EDARADD: variants seen among roughly 807,000 people sequenced by gnomAD.
EDARADD encodes the protein EDAR associated via death domain.
EDARADD carries 20 observed loss-of-function variants against 25.6 expected under a neutral mutation model. The ratio of observed to expected loss-of-function variants is 0.78; its 90% CI spans 0.55 to 1.14. The LOEUF is 1.14. Among genes scored for constraint, EDARADD ranks in the 50% most tolerant of loss-of-function variants. The probability of loss-of-function intolerance (pLI) is 0.00; values close to 1 mark genes in which losing one functional copy is unlikely to be tolerated. For missense variants in EDARADD, 225 were observed against 270.1 expected (o/e 0.83, Z 1.17); for synonymous variants, 86 against 94.4 (o/e 0.91, Z 0.52).
chr1:236,475,396 G>A (rs1161806207), intron 5 of EDARADD, among the ~76,000 whole-genome samples: 1 of 152,128 alleles, frequency 6.6e-6, no homozygotes, highest in Non-Finnish European at 1.5e-5. Context: ...ATTCTAAAAG[G>A]CAACTATAGA....
chr1:236,405,881 CTT>C (rs1475957104), intron 1 of EDARADD, among the ~76,000 whole-genome samples: 1 of 34,432 alleles, frequency 2.9e-5, no homozygotes, highest in Non-Finnish European at 6.7e-5. Flanking sequence ...TTCCTTCTTT[CTT>C]TCTTTCTTTC....
intron 4 of EDARADD, among the ~76,000 whole-genome samples, chr1:236,452,533 G>T (rs1309390593): frequency 6.6e-6 from 1 of 151,950 alleles, no homozygotes; most frequent in Non-Finnish European, 1.5e-5. Context: ...TGCCATGTAA[G>T]ACGTGCCCTG....
chr1:236,432,821 G>T (rs73123278), intron 4 of EDARADD, among the ~76,000 whole-genome samples: 2 of 151,956 alleles, frequency 1.3e-5, no homozygotes, highest in Non-Finnish European at 2.9e-5. Context: ...GGAGAGGAAG[G>T]TTCCAGTGAG....
At position 236,484,536 on chromosome 1, in the gene EDARADD, G is replaced by C; in HGVS notation, c.*1887G>C. The C allele has an allele frequency of 7.6e-7, 1 of 1,319,060 alleles. No homozygotes were observed. Among genetic ancestry groups the C allele is most frequent in the Non-Finnish European group, 1.1e-6 (1 of 930,218 alleles). 81.7% of individuals were successfully genotyped at this position (1,319,060 alleles called of 1,614,324 possible). ...AGACCCCTCCCCTTGTGTCAACTCC[G>C]GCAGCTCAAGACCCCCGAGCAACAT... is the stretch of plus-strand genomic sequence containing the variant. On this transcript the variant is annotated 3_prime_UTR_variant, in exon 6 of 6. Transcript: ENST00000334232. The surrounding 1 kb of genome is among the most constrained non-coding windows in gnomAD (Gnocchi z 4.1).
At chr1:236,394,200 A>C, upstream of EDARADD, 1 of 502,006 alleles carries the variant, frequency 2.0e-6, no homozygotes, top group African/African-American at 1.9e-5. Context: ...CTCCATGAGA[A>C]GTACAGAAAG....
chr1:236,411,725 A>G (rs1389183710), intron 2 of EDARADD, among the ~76,000 whole-genome samples: 1 of 151,336 alleles, frequency 6.6e-6, no homozygotes, highest in East Asian at 1.9e-4. Flanking sequence ...ATTTTTTTGT[A>G]TTTTTAGTAG....
Position 236,377,155 on chromosome 1 carries a change from T to G in EDARADD, c.-6+26316T>G, listed in dbSNP as rs531866424. Reference sequence around the variant, plus strand: ...TATATATGTTATATATTTTGTTTATTTATTTATTTATTTATTTTGAGACAG... The same window carrying G: ...TATATATGTTATATATTTTGTTTATGTATTTATTTATTTATTTTGAGACAG... On this transcript the variant is annotated intron_variant, in intron 3 of 7. Transcript: ENST00000439430. 6.8e-3 allele frequency among the ~76,000 whole-genome samples: 1,011 copies of G among 149,182 alleles called. 11 individuals are homozygous for G. Among genetic ancestry groups the G allele is most frequent in the African/African-American group, 0.023 (952 of 40,754 alleles).
At chr1:236,450,777 G>T (rs1421176612) in intron 4 of EDARADD, among the ~76,000 whole-genome samples, 1 of 152,078 alleles carries the variant, frequency 6.6e-6, no homozygotes, top group Non-Finnish European at 1.5e-5. Flanking sequence ...TCAAACTCCG[G>T]ACCTTAGGTG....
chr1:236,443,694 T>C (rs957071304), intron 4 of EDARADD, among the ~76,000 whole-genome samples: 1 of 152,242 alleles, frequency 6.6e-6, no homozygotes, highest in Non-Finnish European at 1.5e-5. Flanking sequence ...AATCTGCTCC[T>C]GGCAAAAATG....
At chr1:236,349,182 A>G (rs34488677) in intron 2 of EDARADD, among the ~76,000 whole-genome samples, 1 of 151,194 alleles carries the variant, frequency 6.6e-6, no homozygotes, top group Non-Finnish European at 1.5e-5. Flanking sequence ...TGTACTCAAA[A>G]TTTTTTTTGA....
intron 3 of EDARADD, among the ~76,000 whole-genome samples, chr1:236,375,270 G>A (rs10925111): frequency 0.28 from 41,837 of 151,796 alleles, 5,943 homozygotes; most frequent in East Asian, 0.38. Flanking sequence ...ATAAGCATAC[G>A]TAAATATATA....
intron 4 of EDARADD, among the ~76,000 whole-genome samples, chr1:236,437,546 G>GT (rs1213379074): frequency 6.6e-6 from 1 of 152,090 alleles, no homozygotes; most frequent in Non-Finnish European, 1.5e-5. Flanking sequence ...ACCTAGGGAT[G>GT]TAATCCCAAG....
At chr1:236,480,190 A>C (rs1452865839) in intron 5 of EDARADD, among the ~76,000 whole-genome samples, 1 of 145,498 alleles carries the variant, frequency 6.9e-6, no homozygotes, top group Non-Finnish European at 1.5e-5. Context: ...CGTAGAATTC[A>C]TACATTCTTT....
intron 4 of EDARADD, among the ~76,000 whole-genome samples, chr1:236,428,918 G>C (rs540030384): frequency 8.5e-5 from 13 of 152,188 alleles, no homozygotes; most frequent in Middle Eastern, 6.8e-3. Context: ...CAGATCACTC[G>C]CGGTCAGGAG....
Position 236,447,006 on chromosome 1 carries a change from G to A in EDARADD, c.219+19556G>A, listed in dbSNP as rs114464544. Among the ~76,000 whole-genome samples the A allele has an allele frequency of 3.2e-3, 480 of 152,290 alleles. 3 individuals carry two copies. Among genetic ancestry groups the A allele is most frequent in the African/African-American group, 0.01 (431 of 41,558 alleles). ...CATCAGGAGCTGACAGCCAATGGGCGAGGAGGGGGCATAGCAGGGCAGGGC... is the reference window on the plus strand; with the variant it reads ...CATCAGGAGCTGACAGCCAATGGGCAAGGAGGGGGCATAGCAGGGCAGGGC... On this transcript the variant is annotated intron_variant, in intron 4 of 5. Coordinates refer to ENST00000334232, the MANE Select transcript of EDARADD (RefSeq NM_145861.4).
upstream of EDARADD, among the ~76,000 whole-genome samples, chr1:236,393,852 T>C (rs1474103135): frequency 6.6e-6 from 1 of 152,098 alleles, no homozygotes; most frequent in Non-Finnish European, 1.5e-5. Flanking sequence ...AAAACAACAA[T>C]AGCACCCATT....
At chr1:236,403,142 GATGGGGTTTCACC>G (rs1667644123) in intron 1 of EDARADD, among the ~76,000 whole-genome samples, 1 of 152,058 alleles carries the variant, frequency 6.6e-6, no homozygotes, top group Admixed American at 6.6e-5. Flanking sequence ...TTTTAGTAGA[GATGGGGTTTCACC>G]ATGTTGGCCA....
intron 4 of EDARADD, among the ~76,000 whole-genome samples, chr1:236,463,305 T>A (rs1477924576): frequency 6.6e-6 from 1 of 152,140 alleles, no homozygotes; most frequent in Non-Finnish European, 1.5e-5. Context: ...ACATAAAAGT[T>A]ACGATTTTAA....
upstream of EDARADD, among the ~76,000 whole-genome samples, chr1:236,391,744 C>T (rs564094546): frequency 3.0e-4 from 45 of 152,270 alleles, no homozygotes; most frequent in African/African-American, 1.1e-3. Flanking sequence ...ATGAATCAAA[C>T]AAAATATATT....
Sources: gnomAD v4.1 joint callset for allele counts (sites outside exome capture counted in the v4.1 genomes callset) on GRCh38, gnomAD v4.1.1 for gene constraint, Gnocchi (gnomAD v3.1) non-coding constraint, MANE v1.5 for transcripts, NCBI Gene and HGNC (gene_info 2026-07-23, HGNC 2026-07-21) for gene names.